The following CNGB1 variants were observed in gnomAD, a reference collection of about 807,000 sequenced individuals.
The protein encoded by CNGB1 is cyclic nucleotide-gated channel beta-1.
CNGB1 carries 126 observed loss-of-function variants against 151.7 expected under a neutral mutation model. The ratio of observed to expected loss-of-function variants is 0.83; its 90% confidence interval spans 0.72 to 0.96. CNGB1 has a LOEUF of 0.96. CNGB1 is among the 40% of genes least tolerant of loss of function. CNGB1 has a pLI of 0.00. For synonymous variants in CNGB1, 623 were observed against 635.1 expected, an observed-to-expected ratio of 0.98 and a Z score of 0.29; for missense variants, 1,698 against 1,627.0, an observed-to-expected ratio of 1.04 and a Z score of -0.75.
At chr16:57,901,276 C>A (rs1468058866) in intron 29 of CNGB1, 76 bp downstream of exon 29, 1 of 1,401,452 alleles carries the variant, frequency 7.1e-7, no homozygotes, top group East Asian at 2.3e-5. Flanking sequence ...CTGGCAGGCA[C>A]CCCTCCAGCT....
intron 25 of CNGB1, among the ~76,000 whole-genome samples, chr16:57,907,795 T>C (rs1482396608): frequency 1.3e-5 from 2 of 152,152 alleles, no homozygotes; most frequent in Admixed American, 6.5e-5. Context: ...GGGCCACTGG[T>C]GACGTGGGGA....
intron 17 of CNGB1, among the ~76,000 whole-genome samples, chr16:57,925,458 A>T (rs187168936): frequency 6.6e-6 from 1 of 152,346 alleles, no homozygotes; most frequent in East Asian, 1.9e-4. Flanking sequence ...CTGTGGGGAC[A>T]TGAAAATAAA....
chr16:57,904,109 G>C (rs1037851021), intron 26 of CNGB1, 128 bp from the exon 27 acceptor site: 37 of 770,486 alleles, frequency 4.8e-5, no homozygotes, highest in South Asian at 3.1e-4. Context: ...CGTTGGGAGG[G>C]GGGTAGGCAG....
At position 57,884,048 on chromosome 16, in the gene CNGB1, C is replaced by A; in HGVS notation, c.*116G>T. The A allele has an allele frequency of 6.7e-7, 1 of 1,494,462 alleles. No homozygotes were observed. The highest frequency in any genetic ancestry group is 9.3e-7 in the Non-Finnish European group (1 of 1,075,118). The allele number at this position is 1,494,462 out of a possible 1,614,324, so 92.6% of individuals were successfully genotyped here. ...GCTGCAGCCACTGAGGTCACGACTA[C>A]GGAAAAGCATCTTCTCTTGAGCCGT... is the stretch of plus-strand genomic sequence containing the variant. On this transcript the variant is annotated 3_prime_UTR_variant, in exon 33 of 33. Transcript: ENST00000251102.
chr16:57,949,370 TTCC>T lies in CNGB1; in HGVS notation c.1101_1103del (p.Glu371del), dbSNP rs141566950. Reference sequence around the variant, plus strand: ...TGACTTACTCAGTCACCTCCTCCTCTTCCTCCTCCTCCTCCTCTTCCTCTTCCT... The same window carrying T: ...TGACTTACTCAGTCACCTCCTCCTCTTCCTCCTCCTCCTCTTCCTCTTCCT... On this transcript the variant is annotated inframe_deletion, in exon 14 of 33. Coordinates refer to ENST00000251102, the MANE Select transcript of CNGB1 (RefSeq NM_001297.5). 8.6e-5 allele frequency: 138 copies of T among 1,610,104 alleles called. No homozygotes were observed. The highest frequency in any genetic ancestry group is 3.7e-4 in the South Asian group (34 of 91,038).
At chr16:57,952,444 A>ATT (rs1490771065) in intron 12 of CNGB1, among the ~76,000 whole-genome samples, 13 of 93,468 alleles carry the variant, frequency 1.4e-4, no homozygotes. Context: ...TTCCATTAAC[A>ATT]TTTTCTTTTT....
chr16:57,917,411 G>A lies in CNGB1; in HGVS notation c.2023C>T (p.Pro675Ser), dbSNP rs770222545. ...TGGTAGGGGAAGGCCCAGCGCACGG[G>A]AATCAGCCAACAGTTCCAATTCCAG... ...MAWNWNCWLI[P>S]VRWAFPYQTP... is the part of the protein sequence containing the mutation. Residue 675 changes from proline to serine, a missense_variant, in exon 21 of 33, where the codon CCC becomes TCC. Transcript: ENST00000251102. 2 of 1,614,066 alleles carry A rather than the reference G, an allele frequency of 1.2e-6. No homozygotes were observed. The highest frequency in any genetic ancestry group is 1.7e-5 in the Admixed American group (1 of 60,014).
At chr16:57,924,550 C>G (rs540397593) in intron 17 of CNGB1, among the ~76,000 whole-genome samples, 1 of 152,296 alleles carries the variant, frequency 6.6e-6, no homozygotes, top group South Asian at 2.1e-4. Flanking sequence ...AACCAAGAGT[C>G]TGGGGACATG....
chr16:57,949,131 T>TGG (rs760183677), intron 14 of CNGB1, among the ~76,000 whole-genome samples: 1 of 147,006 alleles, frequency 6.8e-6, no homozygotes, highest in Non-Finnish European at 1.5e-5. Flanking sequence ...TTCTAGTGTG[T>TGG]GTGGGGGGGG....
chr16:57,961,663 TG>T (rs1316698548), intron 7 of CNGB1, among the ~76,000 whole-genome samples: 1 of 151,890 alleles, frequency 6.6e-6, no homozygotes, highest in Non-Finnish European at 1.5e-5. Context: ...AATGAATGAA[TG>T]AATGAGTGAA....
chr16:57,943,180 C>T (rs1461773577), intron 14 of CNGB1, among the ~76,000 whole-genome samples: 3 of 152,024 alleles, frequency 2.0e-5, no homozygotes, highest in Admixed American at 6.6e-5. Flanking sequence ...AGAAACTCAA[C>T]TCAATTGTAA....
At chr16:57,934,732 G>T (rs1263438255) in intron 16 of CNGB1, among the ~76,000 whole-genome samples, 2 of 152,134 alleles carry the variant, frequency 1.3e-5, no homozygotes, top group Admixed American at 6.5e-5. Context: ...TGAGGCAGGA[G>T]GATGACCTGA....
intron 25 of CNGB1, among the ~76,000 whole-genome samples, chr16:57,907,576 C>T (rs1960589034): frequency 1.3e-5 from 2 of 152,130 alleles, no homozygotes; most frequent in Non-Finnish European, 2.9e-5. Flanking sequence ...TGTAAGTTAC[C>T]CACATTGTGC....
intron 1 of CNGB1, among the ~76,000 whole-genome samples, chr16:57,969,220 C>T (rs1962480525): frequency 6.6e-6 from 1 of 152,208 alleles, no homozygotes; most frequent in Non-Finnish European, 1.5e-5. Context: ...GTGGGAGAAT[C>T]ACTTGAACCC....
intron 26 of CNGB1, among the ~76,000 whole-genome samples, chr16:57,904,253 C>T (rs1337537883): frequency 2.0e-5 from 3 of 152,104 alleles, no homozygotes; most frequent in Admixed American, 2.0e-4. Flanking sequence ...GGGGAAAGCT[C>T]CTTGGGCTGG....
intron 17 of CNGB1, among the ~76,000 whole-genome samples, chr16:57,924,097 C>A (rs1961121268): frequency 6.6e-6 from 1 of 152,150 alleles, no homozygotes; most frequent in Admixed American, 6.5e-5. Context: ...TCTTGCCCAA[C>A]CTGCCTCTGG....
At chr16:57,935,115 C>A (rs1292553625) in intron 16 of CNGB1, among the ~76,000 whole-genome samples, 15 of 152,116 alleles carry the variant, frequency 9.9e-5, no homozygotes, top group African/African-American at 3.4e-4. Context: ...GTCGGTGCCA[C>A]TGTGGCCTTA....
Position 57,967,253 on chromosome 16 carries a change from G to A in CNGB1, c.34C>T (p.Pro12Ser), listed in dbSNP as rs764961610. ...TTGGTCTTCCGAGGGGTCCCTGGGG[G>A]CTGAGGCAGCACCCTCTGGACCCAG... ...LGWVQRVLPQ[P>S]PGTPRKTKMQ... Residue 12 changes from proline (P) to serine (S), a missense_variant, in exon 2 of 33, where the codon CCC (proline) becomes TCC (serine). Pro to Ser is a moderately conservative substitution (Grantham distance 74, BLOSUM62 -1). Coordinates refer to ENST00000251102, the MANE Select transcript of CNGB1 (RefSeq NM_001297.5). The A allele has an allele frequency of 1.4e-5, 22 of 1,614,144 alleles. No individual in the cohort carries two copies. The highest frequency in any genetic ancestry group is 1.7e-5 in the Non-Finnish European group (20 of 1,180,030).
intron 31 of CNGB1, among the ~76,000 whole-genome samples, chr16:57,889,284 C>T (rs928263029): frequency 2.6e-5 from 4 of 152,146 alleles, no homozygotes; most frequent in Non-Finnish European, 1.5e-5. Context: ...ATTACAGGCA[C>T]GAGCCACAGT....
Sources: allele counts gnomAD v4.1 joint callset (sites outside exome capture counted in the v4.1 genomes callset), GRCh38; gene constraint gnomAD v4.1.1; transcripts MANE v1.5; gene names NCBI Gene and HGNC (gene_info 2026-07-23, HGNC 2026-07-21).